ATR: variants seen among roughly 807,000 people sequenced by gnomAD.
The protein encoded by ATR is ATR checkpoint kinase.
In ATR, 142 loss-of-function variants were observed where a neutral mutation model predicts 305.3. The ratio of observed to expected loss-of-function variants is 0.47; its 90% CI spans 0.41 to 0.53. The LOEUF (loss-of-function observed/expected upper bound fraction) is 0.53. Ranked by LOEUF, ATR falls within the 20% of genes least tolerant of loss-of-function variation. ATR has a pLI of 0.00. For synonymous variants in ATR, 1,050 were observed against 1,068.1 expected (o/e 0.98, Z 0.33); for missense variants, 2,135 against 3,133.1 (o/e 0.68, Z 7.60).
chr3:142,478,004 C>T (rs974652362), intron 36 of ATR, among the ~76,000 whole-genome samples: 2 of 152,054 alleles, frequency 1.3e-5, no homozygotes, highest in Non-Finnish European at 2.9e-5. Context: ...GTCTAGCTAG[C>T]AGTCTATCAA....
At position 142,485,677 on chromosome 3, in the gene ATR, A is replaced by G. The variant is rs996532124; in HGVS notation, c.6079-395T>C. 9.2e-5 allele frequency among the ~76,000 whole-genome samples: 14 copies of G among 152,352 alleles called. No individual in the cohort carries two copies. The East Asian group carries it at 1.3e-3, about 15-fold the overall frequency. On this transcript the variant is annotated intron_variant, in intron 35 of 46. Coordinates refer to ENST00000350721, the MANE Select transcript of ATR (RefSeq NM_001184.4). ...TGAAAGGCATTTTTAAAAATCTTCAAAGCAGAAGTAATATCAAGTCTCTAA... is the reference window on the plus strand; with the variant it reads ...TGAAAGGCATTTTTAAAAATCTTCAGAGCAGAAGTAATATCAAGTCTCTAA...
At chr3:142,480,418 A>C (rs1020026805) in intron 36 of ATR, among the ~76,000 whole-genome samples, 1 of 152,222 alleles carries the variant, frequency 6.6e-6, no homozygotes, top group Non-Finnish European at 1.5e-5. Context: ...GCTGAACAGC[A>C]AATGTTGCTG....
intron 28 of ATR, among the ~76,000 whole-genome samples, chr3:142,507,716 C>T (rs538255104): frequency 6.6e-6 from 1 of 152,268 alleles, no homozygotes; most frequent in South Asian, 2.1e-4. Flanking sequence ...TTCCATCTCC[C>T]ACCCTATTCC....
In ATR at chr3:142,549,507, T is replaced by A. The variant is rs901999537; in HGVS notation, c.3143A>T (p.Glu1048Val). The change falls in exon 15 of 47, where the codon GAA becomes GTA. Residue 1048 changes from glutamate (E) to valine (V), a missense_variant. By Grantham distance (121) the Glu-to-Val change is moderately radical (BLOSUM62 -2). Around this residue, in one of 9 missense-constraint regions of ATR, gnomAD observed 530 missense variants for 766.8 expected, o/e 0.69. Transcript: ENST00000350721. The stretch of plus-strand genomic sequence containing the variant: ...CAGATAATGAAGGGCACGTTCTAAT[T>A]CATCTTTGGAACAAGAACAGACCAA... Reference protein sequence around the residue: ...SHLVCSCSKDELERALHYLKN... With the variant: ...SHLVCSCSKDVLERALHYLKN... 4.4e-6 allele frequency: 7 copies of A among 1,604,152 alleles called. No homozygotes were observed. In the Admixed American group the frequency reaches 1.2e-4, roughly 27 times the overall value.
chr3:142,468,249 C>T (rs1051020791), intron 38 of ATR, among the ~76,000 whole-genome samples, 181 bp from the exon 39 acceptor site: 11 of 151,980 alleles, frequency 7.2e-5, no homozygotes, highest in Admixed American at 6.6e-5. Context: ...CACCCTATAA[C>T]TTTGTGAATT....
In ATR at chr3:142,549,663, T is replaced by C; in HGVS notation, c.2987A>G (p.Gln996Arg). The C allele has an allele frequency of 6.2e-7, 1 of 1,613,482 alleles. No individual in the cohort carries two copies. The highest frequency in any genetic ancestry group is 8.5e-7 in the Non-Finnish European group (1 of 1,179,698). The change falls in exon 15 of 47, where the codon CAA becomes CGA. Residue 996 changes from glutamine to arginine, a missense_variant. Transcript: ENST00000350721. Reference sequence around the variant, plus strand: ...GGCAGCAAGATCAGGTAGTAGAACTTGTAATGTCCTCTGAAAAAGAATGCA... The same window carrying C: ...GGCAGCAAGATCAGGTAGTAGAACTCGTAATGTCCTCTGAAAAAGAATGCA... Reference protein sequence around the residue: ...DLNRFLTRTLQVLLPDLAAKA... With the variant: ...DLNRFLTRTLRVLLPDLAAKA...
At chr3:142,541,182 G>T in intron 17 of ATR, 148 bp from the exon 18 acceptor site, 1 of 1,053,728 alleles carries the variant, frequency 9.5e-7, no homozygotes, top group Non-Finnish European at 1.4e-6. Flanking sequence ...TGGCCAGTTT[G>T]TTTTGTCCAA....
Position 142,498,677 on chromosome 3 carries a change from C to T in ATR, c.5478G>A (p.Val1826=), listed in dbSNP as rs2108341181. 6.2e-7 allele frequency: 1 copy of T among 1,614,080 alleles called. No individual in the cohort carries two copies. Among genetic ancestry groups the T allele is most frequent in the Non-Finnish European group, 8.5e-7 (1 of 1,180,006 alleles). The part of the protein sequence containing the change: ...ITAFYDSLKL[V]RAEQIVPLSA... ...AAAGAGGTACAATTTGTTCTGCTCT[C>T]ACTAGTTTCAGTGAGTCATAAAAAG... is the stretch of plus-strand genomic sequence containing the variant. The change falls in exon 32 of 47, where the codon GTG becomes GTA. Residue 1826 remains valine (V), a synonymous_variant. Coordinates refer to ENST00000350721, the MANE Select transcript of ATR (RefSeq NM_001184.4).
Position 142,562,857 on chromosome 3 carries a change from A to G in ATR, c.545T>C (p.Leu182Ser), listed in dbSNP as rs2034933684. Reference protein sequence around the residue: ...PVVMSRFLSQLDEHMGYLQSA... With the variant: ...PVVMSRFLSQSDEHMGYLQSA... ...TTGTAAATATCCCATGTGTTCATCT[A>G]ATTGACTTAAAAATCGGCTCATGAC... The change falls in exon 4 of 47, where the codon TTA becomes TCA. Residue 182 changes from leucine (L) to serine (S), a missense_variant. Leu to Ser is a moderately radical substitution (Grantham distance 145, BLOSUM62 -2). This residue lies in a region of ATR where 744 missense variants were observed against 873.2 expected (regional missense o/e 0.85). Coordinates refer to ENST00000350721, the MANE Select transcript of ATR (RefSeq NM_001184.4). 1.9e-6 allele frequency: 3 copies of G among 1,609,904 alleles called. No individual in the cohort carries two copies. The highest frequency in any genetic ancestry group is 2.5e-6 in the Non-Finnish European group (3 of 1,178,698).
Position 142,535,196 on chromosome 3 carries a change from C to T in ATR, c.3829G>A (p.Glu1277Lys), listed in dbSNP as rs1232235665. Residue 1277 changes from glutamate to lysine, a missense_variant, in exon 21 of 47, where the codon GAG becomes AAG. Physicochemically the swap from Glu to Lys is moderately conservative, Grantham distance 56 (BLOSUM62 1). Coordinates refer to ENST00000350721, the MANE Select transcript of ATR (RefSeq NM_001184.4). ...VLQEYRKETS[E>K]STDLQTTLQL... ...AGAGTTGTCTGAAGATCAGTGCTCT[C>T]AGAGGTCTCCTATATACAAAGCACA... 6.2e-7 allele frequency: 1 copy of T among 1,613,110 alleles called. No homozygotes were observed.
At chr3:142,487,581 T>C (rs1302465658) in intron 35 of ATR, among the ~76,000 whole-genome samples, 1 of 152,260 alleles carries the variant, frequency 6.6e-6, no homozygotes, top group African/African-American at 2.4e-5. Flanking sequence ...ATTCTATAAC[T>C]GATTGCCATT....
chr3:142,518,553 A>G (rs1211726213), intron 24 of ATR, among the ~76,000 whole-genome samples: 2 of 152,156 alleles, frequency 1.3e-5, no homozygotes, highest in Non-Finnish European at 2.9e-5. Flanking sequence ...TTCTTCTTTA[A>G]TAAGGCTAAT....
chr3:142,468,060 A>G lies in ATR; in HGVS notation c.6561T>C (p.Tyr2187=). The change falls in exon 39 of 47, where the codon TAT becomes TAC. Residue 2187 remains tyrosine, a synonymous_variant. Transcript: ENST00000350721. ...CCTTGCATCTGTTCACACGCATGGG[A>G]TAAGATGACTGTCATAAAAAAGAGT... ...WMMTAVSKSS[Y]PMRVNRCKEI... The G allele has an allele frequency of 6.2e-7, 1 of 1,612,534 alleles. No homozygotes were observed. The highest frequency in any genetic ancestry group is 8.5e-7 in the Non-Finnish European group (1 of 1,179,306).
intron 30 of ATR, 119 bp downstream of exon 30, chr3:142,503,243 T>C: frequency 1.4e-6 from 1 of 734,494 alleles, no homozygotes; most frequent in Non-Finnish European, 2.3e-6. Context: ...TTATCTCCAA[T>C]ACCATGAAAA....
intron 36 of ATR, among the ~76,000 whole-genome samples, chr3:142,478,133 T>G (rs1257736953): frequency 6.6e-6 from 1 of 152,228 alleles, no homozygotes; most frequent in East Asian, 1.9e-4. Context: ...TTCTGCCAGC[T>G]TTTGAATGTG....
intron 19 of ATR, among the ~76,000 whole-genome samples, chr3:142,537,895 G>A (rs1031996441): frequency 3.3e-5 from 5 of 152,170 alleles, no homozygotes; most frequent in African/African-American, 1.2e-4. Flanking sequence ...GGGGAAGATA[G>A]TAAGAAATAG....
intron 30 of ATR, among the ~76,000 whole-genome samples, chr3:142,501,514 G>A (rs2031964066): frequency 1.3e-5 from 2 of 152,006 alleles, no homozygotes; most frequent in Admixed American, 6.6e-5. Context: ...TATACAAACA[G>A]TACTTAGAAA....
intron 46 of ATR, chr3:142,452,813 A>T: frequency 1.3e-5 from 15 of 1,193,970 alleles, no homozygotes; most frequent in Non-Finnish European, 1.5e-5. Context: ...ATTAAAGCTC[A>T]GACCTGTTGT....
chr3:142,459,367 TC>T lies in ATR; in HGVS notation c.7208del (p.Gly2403GlufsTer39). 1 of 1,613,900 alleles carries T rather than the reference TC, an allele frequency of 6.2e-7. No individual in the cohort carries two copies. The highest frequency in any genetic ancestry group is 8.5e-7 in the Non-Finnish European group (1 of 1,179,830). ...LYKEKGVYMT[G>X]KELRQCMLPK... is the part of the protein sequence containing the mutation. The stretch of plus-strand genomic sequence containing the variant: ...GTAGCATACACTGGCGAAGTTCTTT[TC>T]CTGTCATATACACTCCTGCAAGGAA... On this transcript the variant is annotated frameshift_variant, in exon 43 of 47. Coordinates refer to ENST00000350721, the MANE Select transcript of ATR (RefSeq NM_001184.4). LOFTEE classifies it high-confidence loss of function.
Sources: gnomAD v4.1 joint callset for allele counts (sites outside exome capture counted in the v4.1 genomes callset) on GRCh38, gnomAD v4.1.1 for gene constraint, gnomAD v4.1.1 regional missense constraint, MANE v1.5 for transcripts, NCBI Gene and HGNC (gene_info 2026-07-23, HGNC 2026-07-21) for gene names.